The following RPL38 variants were observed in gnomAD, a reference collection of about 807,000 sequenced individuals.
RPL38 encodes the protein ribosomal protein L38.
Under a neutral mutation model 12.8 loss-of-function variants are expected in RPL38, and 2 were observed. The observed-to-expected ratio is 0.16, with a 90% CI of 0.06 to 0.49. RPL38 has a LOEUF of 0.49. RPL38 is among the 20% of genes least tolerant of loss of function. The probability of loss-of-function intolerance (pLI) is 0.96; values close to 1 mark genes in which losing one functional copy is unlikely to be tolerated. For missense variants in RPL38, 52 were observed against 79.8 expected (o/e 0.65, Z 1.33); for synonymous variants, 42 against 30.1 (o/e 1.39, Z -1.29).
At chr17:74,207,659 A>G (rs1479248206) in intron 3 of RPL38, among the ~76,000 whole-genome samples, 5 of 152,014 alleles carry the variant, frequency 3.3e-5, no homozygotes, top group Admixed American at 2.6e-4. Context: ...CTGGGATTAC[A>G]GGCGCCTGGC....
At chr17:74,207,144 T>C (rs1028060992) in intron 3 of RPL38, among the ~76,000 whole-genome samples, 2 of 152,124 alleles carry the variant, frequency 1.3e-5, no homozygotes, top group Non-Finnish European at 2.9e-5. Flanking sequence ...CCAGAGTCTC[T>C]GGGACTACAG....
chr17:74,208,143 C>G (rs1156696645), intron 3 of RPL38, among the ~76,000 whole-genome samples: 1 of 152,194 alleles, frequency 6.6e-6, no homozygotes, highest in Non-Finnish European at 1.5e-5. Context: ...ATGTTCAGCC[C>G]TCAGCCACCT....
intron 3 of RPL38, chr17:74,206,139 T>A (rs969855564): frequency 2.0e-5 from 3 of 152,204 alleles, no homozygotes; most frequent in Non-Finnish European, 4.4e-5. Flanking sequence ...AATGGTTGTA[T>A]TAATTTTTAA....
Position 74,204,165 on chromosome 17 carries a change from C to G in RPL38, c.39C>G (p.Leu13=). Residue 13 remains leucine, a synonymous_variant, in exon 3 of 5, where the codon CTC becomes CTG. Coordinates refer to ENST00000311111, the MANE Select transcript of RPL38 (RefSeq NM_000999.4). ...RKIEEIKDFL[L]TARRKDAKSV... ...TTGAGGAAATCAAGGACTTCCTGCT[C>G]ACAGCCCGACGAAAGGATGCCAAAT... The G allele has an allele frequency of 6.2e-7, 1 of 1,614,114 alleles. No homozygotes were observed. Among genetic ancestry groups the G allele is most frequent in the Non-Finnish European group, 8.5e-7 (1 of 1,180,004 alleles).
In RPL38 at chr17:74,209,979, T is replaced by TTG. The variant is rs1491324201; in HGVS notation, c.*151_*152insGT. 1.4e-5 allele frequency: 1 copy of TTG among 69,134 alleles called. No individual in the cohort carries two copies. The highest frequency in any genetic ancestry group is 1.4e-4 in the African/African-American group (1 of 7,218). 4.3% of individuals were successfully genotyped at this position (69,134 alleles called of 1,614,324 possible). ...GGTTCTGTTGCTGCCTTCCTGTGTC[T>TTG]TTTTTTTTTTTTTTTTTTCTTTCTT... is the stretch of plus-strand genomic sequence containing the variant. On this transcript the variant is annotated 3_prime_UTR_variant, in exon 5 of 5. Transcript: ENST00000311111.
In RPL38 at chr17:74,203,697, G is replaced by T. The variant is rs979506545; in HGVS notation, c.-87G>T. 4 of 501,664 alleles carry T rather than the reference G, an allele frequency of 8.0e-6. No homozygotes were observed. In the South Asian group the frequency reaches 1.4e-4, roughly 18 times the overall value. The allele number at this position is 501,664 out of a possible 1,614,324, so 31.1% of individuals were successfully genotyped here. On this transcript the variant is annotated 5_prime_UTR_variant, in exon 1 of 5. Transcript: ENST00000311111. ...CTCGTTCTTTTTCGTCCTTTTCCCC[G>T]GTTGCTGCTTGCTGTGAGTGTCTCT...
At chr17:74,206,939 A>G (rs973789342) in intron 3 of RPL38, among the ~76,000 whole-genome samples, 1 of 150,168 alleles carries the variant, frequency 6.7e-6, no homozygotes, top group Non-Finnish European at 1.5e-5. Flanking sequence ...GATGGTCTCT[A>G]TCTCCTGACC....
chr17:74,209,507 C>A, intron 4 of RPL38, 198 bp downstream of exon 4: 1 of 697,814 alleles, frequency 1.4e-6, no homozygotes, highest in Non-Finnish European at 2.4e-6. Context: ...ATTTCCTTAG[C>A]CAGAAGAGCG....
rs777116975 is a variant in RPL38 at position 74,203,906 on chromosome 17, T to C, written c.-38-12T>C. On this transcript the variant is annotated splice_polypyrimidine_tract_variant and intron_variant, in intron 1 of 4. Transcript: ENST00000311111. ...CCCGCGCCGTGTTAACGCCGAGGAC[T>C]GTTTCCCGCAGGTCCTGGTCCGCGC... The C allele has an allele frequency of 1.3e-6, 2 of 1,581,304 alleles. No homozygotes were observed. Among genetic ancestry groups the C allele is most frequent in the South Asian group, 1.1e-5 (1 of 88,182 alleles).
intron 3 of RPL38, among the ~76,000 whole-genome samples, chr17:74,207,055 A>G (rs2050121833): frequency 1.3e-5 from 2 of 151,900 alleles, no homozygotes; most frequent in Admixed American, 6.6e-5. Flanking sequence ...ACTCCTGCCC[A>G]GGCTGGAGTG....
At chr17:74,204,371 C>T in intron 3 of RPL38, 181 bp downstream of exon 3, 1 of 607,426 alleles carries the variant, frequency 1.6e-6, no homozygotes, top group Non-Finnish European at 2.9e-6. Context: ...CACGTTGAGG[C>T]CCTGGAATTT....
chr17:74,206,150 C>T (rs370473041), intron 3 of RPL38: 8 of 152,254 alleles, frequency 5.3e-5, no homozygotes, highest in Admixed American at 1.3e-4. Context: ...TAATTTTTAA[C>T]GTGTAATAGG....
intron 3 of RPL38, 79 bp from the exon 4 acceptor site, chr17:74,209,108 C>A: frequency 6.7e-7 from 1 of 1,500,726 alleles, no homozygotes; most frequent in South Asian, 1.2e-5. Context: ...CTGCTTACTG[C>A]TTGAGTGTAT....
chr17:74,207,006 G>A (rs1190695625), intron 3 of RPL38, among the ~76,000 whole-genome samples: 1 of 150,752 alleles, frequency 6.6e-6, no homozygotes, highest in African/African-American at 2.4e-5. Context: ...GTGAGCCACT[G>A]TGCCCGGCCT....
intron 3 of RPL38, among the ~76,000 whole-genome samples, chr17:74,207,769 G>A (rs1295691184): frequency 6.6e-6 from 1 of 152,130 alleles, no homozygotes; most frequent in Non-Finnish European, 1.5e-5. Flanking sequence ...GCCTCCCAAA[G>A]TGCTGGGATT....
At chr17:74,209,091 C>A (rs930044871) in intron 3 of RPL38, 96 bp from the exon 4 acceptor site, 3 of 1,354,252 alleles carry the variant, frequency 2.2e-6, no homozygotes, top group East Asian at 4.6e-5. Context: ...GTGCTGTCTC[C>A]TGCATGCTGC....
chr17:74,209,686 T>G, intron 4 of RPL38, 118 bp from the exon 5 acceptor site: 1 of 860,540 alleles, frequency 1.2e-6, no homozygotes. Flanking sequence ...GAAACTTCGC[T>G]GGTGGATCTA....
chr17:74,208,535 G>T (rs1427926845), intron 3 of RPL38, among the ~76,000 whole-genome samples: 1 of 152,238 alleles, frequency 6.6e-6, no homozygotes, highest in African/African-American at 2.4e-5. Context: ...GGCCCAGAAT[G>T]TCATCTCACA....
rs186391054 is a variant in RPL38 at position 74,204,371 on chromosome 17, C to A, written c.64+181C>A. ...AAGACCTGTGGGGGGCACGTTGAGG[C>A]CCTGGAATTTCTAGGACCATCTTTA... On this transcript the variant is annotated intron_variant, in intron 3 of 4. Transcript: ENST00000311111. The A allele has an allele frequency of 7.2e-4, 437 of 607,416 alleles. 3 individuals are homozygous for A. The highest frequency in any genetic ancestry group is 2.8e-3 in the Middle Eastern group (8 of 2,826). The allele number at this position is 607,416 out of a possible 1,614,324, so 37.6% of individuals were successfully genotyped here. A position where few individuals can be genotyped will look rare whatever the true frequency, so the allele number is the denominator to read the frequency against.
Sources: gnomAD v4.1 joint callset for allele counts (sites outside exome capture counted in the v4.1 genomes callset) on GRCh38, gnomAD v4.1.1 for gene constraint, MANE v1.5 for transcripts, NCBI Gene and HGNC (gene_info 2026-07-23, HGNC 2026-07-21) for gene names.